The following CMYA5 variants were observed in gnomAD, a reference collection of about 807,000 sequenced individuals.
CMYA5 encodes the protein cardiomyopathy-associated protein 5.
In CMYA5, 246 loss-of-function variants were observed where a neutral mutation model predicts 318.9. That is an observed-to-expected ratio of 0.77 (90% CI 0.70 to 0.86). The LOEUF (loss-of-function observed/expected upper bound fraction) is 0.86. Ranked by LOEUF, CMYA5 falls within the 40% of genes least tolerant of loss-of-function variation. CMYA5 has a pLI of 0.00. For synonymous variants in CMYA5, 1,641 were observed against 1,729.5 expected, an observed-to-expected ratio of 0.95 and a Z score of 1.27; for missense variants, 4,589 against 4,678.2, an observed-to-expected ratio of 0.98 and a Z score of 0.56.
intron 1 of CMYA5, among the ~76,000 whole-genome samples, chr5:79,714,176 G>C (rs1827467917): frequency 6.6e-6 from 1 of 152,114 alleles, no homozygotes; most frequent in African/African-American, 2.4e-5. Flanking sequence ...AGAATAGCCA[G>C]ACACACCATG....
At chr5:79,755,837 A>G (rs1828517717) in intron 6 of CMYA5, among the ~76,000 whole-genome samples, 1 of 122,706 alleles carries the variant, frequency 8.1e-6, no homozygotes, top group South Asian at 2.4e-4. Context: ...AAAATTTCTA[A>G]CCTACATACT....
chr5:79,701,141 C>T (rs992441985), intron 1 of CMYA5, among the ~76,000 whole-genome samples: 2 of 151,326 alleles, frequency 1.3e-5, no homozygotes, highest in African/African-American at 4.9e-5. Flanking sequence ...GCCTATAGTC[C>T]CAGCTACTTA....
chr5:79,738,209 G>C lies in CMYA5; in HGVS notation c.9444G>C (p.Val3148=), dbSNP rs1483175007. 6.2e-7 allele frequency: 1 copy of C among 1,613,734 alleles called. No homozygotes were observed. Among genetic ancestry groups the C allele is most frequent in the Non-Finnish European group, 8.5e-7 (1 of 1,179,864 alleles). ...RNVSKDTKRD[V]DSKSPGMPLF... ...TTTCAAAGGACACAAAGAGAGATGT[G>C]GACTCAAAGTCACCGGGGATGCCTT... The change falls in exon 2 of 13, where the codon GTG becomes GTC. Residue 3148 remains valine (V), a synonymous_variant. Coordinates refer to ENST00000446378, the MANE Select transcript of CMYA5 (RefSeq NM_153610.5).
chr5:79,778,853 G>GT (rs911956726), intron 9 of CMYA5, among the ~76,000 whole-genome samples: 9 of 102,698 alleles, frequency 8.8e-5, no homozygotes, highest in African/African-American at 3.9e-4. Context: ...ATTCACTCAT[G>GT]TTTTTTTGTA....
intron 9 of CMYA5, among the ~76,000 whole-genome samples, chr5:79,769,825 G>A (rs997714542): frequency 6.6e-6 from 1 of 152,232 alleles, no homozygotes; most frequent in Admixed American, 6.5e-5. Flanking sequence ...CAGAGCTTGA[G>A]TGCTGTGCTG....
chr5:79,792,514 T>C (rs1829198490), intron 11 of CMYA5, among the ~76,000 whole-genome samples: 1 of 152,184 alleles, frequency 6.6e-6, no homozygotes, highest in Admixed American at 6.5e-5. Flanking sequence ...ATCAGACAGC[T>C]GGGCCTTGCT....
At chr5:79,692,610 T>G (rs1826989606) in intron 1 of CMYA5, among the ~76,000 whole-genome samples, 1 of 152,242 alleles carries the variant, frequency 6.6e-6, no homozygotes, top group Non-Finnish European at 1.5e-5. Context: ...CTGTCCTCTT[T>G]GAGCCCAATT....
At chr5:79,751,317 T>C (rs1364072696) in intron 5 of CMYA5, among the ~76,000 whole-genome samples, 1 of 152,202 alleles carries the variant, frequency 6.6e-6, no homozygotes, top group Non-Finnish European at 1.5e-5. Context: ...GGCCCTCGAA[T>C]GTGCTGTACT....
intron 1 of CMYA5, among the ~76,000 whole-genome samples, chr5:79,706,807 G>A (rs1827283322): frequency 6.6e-6 from 1 of 152,070 alleles, no homozygotes; most frequent in African/African-American, 2.4e-5. Context: ...ATGCAATTTT[G>A]TATTTACAAT....
rs1435107840 is a variant in CMYA5, at chr5:79,721,334, A to G, written c.150-7581A>G. The stretch of plus-strand genomic sequence containing the variant: ...CCCCCATGTCTATTTTTAAAAAATA[A>G]AAAAACAAAATAAGGCAAGATAGGA... On this transcript the variant is annotated intron_variant, in intron 1 of 12. Coordinates refer to ENST00000446378, the MANE Select transcript of CMYA5 (RefSeq NM_153610.5). Among the ~76,000 whole-genome samples, 3 of 152,136 alleles carry G rather than the reference A, an allele frequency of 2.0e-5. 1 individual carries two copies. The highest frequency in any genetic ancestry group is 1.3e-4 in the Admixed American group (2 of 15,278).
At chr5:79,765,070 A>G (rs1430677501) in intron 9 of CMYA5, among the ~76,000 whole-genome samples, 2 of 152,168 alleles carry the variant, frequency 1.3e-5, no homozygotes, top group Non-Finnish European at 2.9e-5. Context: ...GCCCATGCCT[A>G]TGTCCTGAAT....
intron 1 of CMYA5, among the ~76,000 whole-genome samples, chr5:79,698,878 C>T (rs1243091975): frequency 3.9e-5 from 6 of 152,148 alleles, no homozygotes; most frequent in Admixed American, 6.5e-5. Context: ...TGGTTGTGAC[C>T]GGACACGGTG....
chr5:79,738,926 T>G lies in CMYA5; in HGVS notation c.10161T>G (p.Gly3387=), dbSNP rs754312757. 2 of 1,613,798 alleles carry G rather than the reference T, an allele frequency of 1.2e-6. No homozygotes were observed. The highest frequency in any genetic ancestry group is 1.7e-6 in the Non-Finnish European group (2 of 1,179,872). The part of the protein sequence containing the change: ...VSFPEEEFAS[G]ATHVQETSLE... ...TCCCGGAGGAAGAATTTGCATCTGG[T>G]GCAACTCATGTTCAAGAAACATCAC... The change falls in exon 2 of 13, where the codon GGT becomes GGG. Residue 3387 remains glycine, a synonymous_variant. Transcript: ENST00000446378.
rs150132635 is a variant in CMYA5, at chr5:79,713,249, C to T, written c.150-15666C>T. Among the ~76,000 whole-genome samples the T allele has an allele frequency of 6.6e-3, 997 of 152,042 alleles. 7 individuals carry two copies. The highest frequency in any genetic ancestry group is 0.023 in the African/African-American group (951 of 41,402). ...TCTGGTGGATGGGGGCCAGGGAGGC[C>T]ACTAAACATTCTCAGCACACAGGAC... On this transcript the variant is annotated intron_variant, in intron 1 of 12. Transcript: ENST00000446378.
chr5:79,733,587 T>A lies in CMYA5; in HGVS notation c.4822T>A (p.Ser1608Thr), dbSNP rs780720111. ...TTCTACAGCTCAGGGAGACTTCCCA[T>A]CAGAAAAACAAGATGTTGCTTTGGC... ...VSSTAQGDFP[S>T]EKQDVALAEL... Residue 1608 changes from serine to threonine, a missense_variant, in exon 2 of 13, where the codon TCA becomes ACA. Coordinates refer to ENST00000446378, the MANE Select transcript of CMYA5 (RefSeq NM_153610.5). 2 of 1,613,794 alleles carry A rather than the reference T, an allele frequency of 1.2e-6. No homozygotes were observed. The highest frequency in any genetic ancestry group is 1.7e-6 in the Non-Finnish European group (2 of 1,179,810).
rs35939521 is a variant in CMYA5 at position 79,788,212 on chromosome 5, C to CT, written c.11556-744dup. ...AGGTTTAAAGAAAGAGCCCTGCTTG[C>CT]TTTTTTTTTTTTTTTCTTAATTCAT... On this transcript the variant is annotated intron_variant, in intron 9 of 12. Coordinates refer to ENST00000446378, the MANE Select transcript of CMYA5 (RefSeq NM_153610.5). Among the ~76,000 whole-genome samples, 508 of 141,914 alleles carry CT rather than the reference C, an allele frequency of 3.6e-3. 3 individuals carry two copies. The highest frequency in any genetic ancestry group is 5.2e-3 in the East Asian group (25 of 4,846). The allele number at this position is 141,914 out of a possible 152,430, so 93.1% of individuals were successfully genotyped here. A position where few individuals can be genotyped will look rare whatever the true frequency, so the allele number is the denominator to read the frequency against.
chr5:79,728,126 AG>A (rs1827784929), intron 1 of CMYA5, among the ~76,000 whole-genome samples: 1 of 152,208 alleles, frequency 6.6e-6, no homozygotes, highest in African/African-American at 2.4e-5. Flanking sequence ...GAAGCACAGT[AG>A]GTTGACATTT....
chr5:79,736,786 A>G lies in CMYA5; in HGVS notation c.8021A>G (p.Glu2674Gly). The G allele has an allele frequency of 6.2e-7, 1 of 1,613,378 alleles. No individual in the cohort carries two copies. Among genetic ancestry groups the G allele is most frequent in the Non-Finnish European group, 8.5e-7 (1 of 1,179,750 alleles). ...RDMPDHSEEK[E>G]QFRESELSKG... ...ATGCCAGATCACAGTGAAGAAAAAG[A>G]ACAGTTCAGAGAGTCAGAGCTATCG... The change falls in exon 2 of 13, where the codon GAA becomes GGA. Residue 2674 changes from glutamate (E) to glycine (G), a missense_variant. Physicochemically the swap from Glu to Gly is moderately conservative, Grantham distance 98. Coordinates refer to ENST00000446378, the MANE Select transcript of CMYA5 (RefSeq NM_153610.5).
intron 9 of CMYA5, among the ~76,000 whole-genome samples, chr5:79,765,365 A>G (rs967612185): frequency 9.9e-5 from 15 of 152,216 alleles, no homozygotes; most frequent in African/African-American, 2.7e-4. Flanking sequence ...TTTTGGTACC[A>G]GTACCATGCT....
Sources: allele counts gnomAD v4.1 joint callset (sites outside exome capture counted in the v4.1 genomes callset), GRCh38; gene constraint gnomAD v4.1.1; transcripts MANE v1.5; gene names NCBI Gene and HGNC (gene_info 2026-07-23, HGNC 2026-07-21).